NRG1: variants seen among roughly 807,000 people sequenced by gnomAD.
NRG1 encodes the protein pro-neuregulin-1, membrane-bound isoform.
Under a neutral mutation model 63.8 loss-of-function variants are expected in NRG1, and 18 were observed. That is an observed-to-expected ratio of 0.28 (90% confidence interval 0.19 to 0.42). The LOEUF is 0.42. Among genes scored for constraint, NRG1 ranks in the 10% least tolerant of loss-of-function variants. The pLI, the probability that NRG1 is intolerant of heterozygous loss-of-function variation, is 1.00. For missense variants in NRG1, 762 were observed against 814.7 expected, an observed-to-expected ratio of 0.94 and a Z score of 0.79; for synonymous variants, 302 against 301.3, an observed-to-expected ratio of 1.00 and a Z score of -0.02.
At chr8:32,490,784 C>T (rs1239627611) in intron 1 of NRG1, among the ~76,000 whole-genome samples, 9 of 152,084 alleles carry the variant, frequency 5.9e-5, no homozygotes, top group African/African-American at 2.2e-4. Context: ...ATTTTTCACA[C>T]CTAAAAAAGT....
At chr8:32,300,030 A>G (rs1329872143) in intron 1 of NRG1, among the ~76,000 whole-genome samples, 1 of 152,218 alleles carries the variant, frequency 6.6e-6, no homozygotes, top group African/African-American at 2.4e-5. Flanking sequence ...ATTGAACAAT[A>G]GGAGCACCAC....
At chr8:32,324,966 G>T (rs1283299807) in intron 1 of NRG1, among the ~76,000 whole-genome samples, 12 of 152,276 alleles carry the variant, frequency 7.9e-5, no homozygotes, top group East Asian at 1.9e-4. Flanking sequence ...ATTTTGTAAG[G>T]TTGTCCGAAT....
intron 1 of NRG1, among the ~76,000 whole-genome samples, chr8:31,936,323 TG>T (rs1423980607): frequency 6.6e-6 from 1 of 152,238 alleles, no homozygotes; most frequent in African/African-American, 2.4e-5. Context: ...ATAAGTTTTT[TG>T]TTGTAAAATA....
intron 1 of NRG1, among the ~76,000 whole-genome samples, chr8:32,087,482 C>CTTTTT (rs67438409): frequency 0.021 from 1,880 of 90,106 alleles, 179 homozygotes; most frequent in South Asian, 0.086. Flanking sequence ...TCTTTTCTTT[C>CTTTTT]TTTTTTTTTT....
intron 3 of NRG1, among the ~76,000 whole-genome samples, chr8:32,613,277 A>G (rs1383814942): frequency 6.6e-6 from 1 of 151,998 alleles, no homozygotes; most frequent in Non-Finnish European, 1.5e-5. Context: ...AGAAAGACAC[A>G]TTTGGTCTTA....
At chr8:32,519,034 T>C (rs1830091333) in intron 1 of NRG1, among the ~76,000 whole-genome samples, 1 of 152,178 alleles carries the variant, frequency 6.6e-6, no homozygotes, top group Admixed American at 6.5e-5. Flanking sequence ...GTTATTATAA[T>C]AGCAATGTAT....
intron 1 of NRG1, among the ~76,000 whole-genome samples, chr8:32,406,713 CT>C (rs34402334): frequency 7.3e-5 from 11 of 150,662 alleles, no homozygotes; most frequent in East Asian, 1.9e-4. Flanking sequence ...TCTCTTCGTC[CT>C]TTTTTTTTAA....
At chr8:31,920,888 A>G (rs200850306) in intron 1 of NRG1, among the ~76,000 whole-genome samples, 16 of 26,680 alleles carry the variant, frequency 6.0e-4, no homozygotes, top group East Asian at 0.011. Flanking sequence ...AGATAGGTAG[A>G]TAGATAGATA....
At chr8:32,169,407 C>T (rs1313425465) in intron 1 of NRG1, among the ~76,000 whole-genome samples, 5 of 152,108 alleles carry the variant, frequency 3.3e-5, no homozygotes, top group Non-Finnish European at 4.4e-5. Flanking sequence ...TGCGATTTGT[C>T]GGAGTAGGGA....
chr8:32,093,501 A>G (rs901300467), intron 1 of NRG1, among the ~76,000 whole-genome samples: 2 of 152,202 alleles, frequency 1.3e-5, no homozygotes, highest in African/African-American at 4.8e-5. Context: ...TCCTGGCAGC[A>G]GGAATATCCT....
At chr8:32,329,504 G>C (rs1455028940) in intron 1 of NRG1, among the ~76,000 whole-genome samples, 2 of 152,136 alleles carry the variant, frequency 1.3e-5, no homozygotes, top group African/African-American at 4.8e-5. Flanking sequence ...ATAATGTGAT[G>C]GGGGATAAAA....
chr8:31,986,724 C>A (rs569496079), intron 1 of NRG1, among the ~76,000 whole-genome samples: 24 of 152,190 alleles, frequency 1.6e-4, no homozygotes, highest in Non-Finnish European at 2.2e-4. Context: ...CTGAAGTAAA[C>A]CACAGGTGCA....
At chr8:32,027,250 A>G (rs562637821) in intron 1 of NRG1, among the ~76,000 whole-genome samples, 1 of 152,282 alleles carries the variant, frequency 6.6e-6, no homozygotes, top group Admixed American at 6.5e-5. Context: ...TTGCCAAACA[A>G]TGAATATTTC....
chr8:32,638,165 T>TG (rs1409157024), intron 5 of NRG1, among the ~76,000 whole-genome samples: 2 of 152,226 alleles, frequency 1.3e-5, no homozygotes, highest in Non-Finnish European at 2.9e-5. Flanking sequence ...GCAGGTTTTT[T>TG]GTTTGTTTGT....
At chr8:32,632,080 A>G (rs1165632058) in intron 5 of NRG1, among the ~76,000 whole-genome samples, 2 of 152,232 alleles carry the variant, frequency 1.3e-5, no homozygotes, top group African/African-American at 2.4e-5. Context: ...TTATAAACTT[A>G]TGGCATTAAA....
chr8:31,725,753 T>G (rs1424062569), intron 1 of NRG1, among the ~76,000 whole-genome samples: 1 of 152,330 alleles, frequency 6.6e-6, no homozygotes, highest in South Asian at 2.1e-4. Context: ...TAAATACTTT[T>G]CACAATTTAC....
At chr8:32,456,319 C>T (rs148696575) in intron 1 of NRG1, among the ~76,000 whole-genome samples, 1 of 152,258 alleles carries the variant, frequency 6.6e-6, no homozygotes, top group East Asian at 1.9e-4. Flanking sequence ...CTCCTGTTTG[C>T]TCGTGTTCTC....
intron 1 of NRG1, among the ~76,000 whole-genome samples, chr8:32,006,831 A>T (rs1275166362): frequency 6.6e-6 from 1 of 152,082 alleles, no homozygotes; most frequent in Non-Finnish European, 1.5e-5. Flanking sequence ...TGACCTTGTG[A>T]TAACTTGACC....
At chr8:32,560,690 A>G (rs949503749) in intron 1 of NRG1, among the ~76,000 whole-genome samples, 6 of 152,212 alleles carry the variant, frequency 3.9e-5, no homozygotes, top group Non-Finnish European at 7.3e-5. Context: ...CTCTCTGTGT[A>G]AGTCATAATC....
Sources: gnomAD v4.1 joint callset for allele counts (sites outside exome capture counted in the v4.1 genomes callset) on GRCh38, gnomAD v4.1.1 for gene constraint, MANE v1.5 for transcripts, NCBI Gene and HGNC (gene_info 2026-07-23, HGNC 2026-07-21) for gene names.